The following RAP1GAP2 variants were observed in gnomAD, a reference collection of about 807,000 sequenced individuals.
RAP1GAP2 encodes the protein rap1 GTPase-activating protein 2.
A neutral mutation model predicts 95.0 loss-of-function variants in RAP1GAP2; 27 were observed. That is an observed-to-expected ratio of 0.28 (90% CI 0.21 to 0.39). The LOEUF is 0.39. Ranked by LOEUF, RAP1GAP2 falls within the 10% of genes least tolerant of loss-of-function variation. The pLI, the probability that RAP1GAP2 is intolerant of heterozygous loss-of-function variation, is 1.00. For synonymous variants in RAP1GAP2, 373 were observed against 380.9 expected, an observed-to-expected ratio of 0.98 and a Z score of 0.24; for missense variants, 771 against 970.0, an observed-to-expected ratio of 0.79 and a Z score of 2.72.
rs1267239240 is a variant in RAP1GAP2 at position 3,004,535 on chromosome 17, G to A, written c.1201-834G>A. Among the ~76,000 whole-genome samples, 1 of 152,246 alleles carries A rather than the reference G, an allele frequency of 6.6e-6. No homozygotes were observed. Among genetic ancestry groups the A allele is most frequent in the Non-Finnish European group, 1.5e-5 (1 of 68,044 alleles). On this transcript the variant is annotated intron_variant, in intron 14 of 24. Coordinates refer to ENST00000254695, the MANE Select transcript of RAP1GAP2 (RefSeq NM_015085.5). This position sits in a 1 kb window ranked among gnomAD's most constrained non-coding sequence, Gnocchi z 4.1. ...GTGGGCTGAGAATAGGTGAAGTCAG[G>A]GCACCTCTGTGCAGAGGGAAGGCGG... is the stretch of plus-strand genomic sequence containing the variant.
intron 3 of RAP1GAP2, among the ~76,000 whole-genome samples, chr17:2,908,262 G>A (rs2042265978): frequency 1.3e-5 from 2 of 152,172 alleles, no homozygotes; most frequent in Admixed American, 1.3e-4. Context: ...GGTGAAGCCG[G>A]AGTTAGTGTT....
At chr17:2,819,253 C>A (rs1403233253) in intron 2 of RAP1GAP2, among the ~76,000 whole-genome samples, 1 of 151,790 alleles carries the variant, frequency 6.6e-6, no homozygotes, top group Non-Finnish European at 1.5e-5. Context: ...ATCTCCTGAC[C>A]TCATCATCTG....
At chr17:3,010,154 A>G (rs1252008556) in intron 17 of RAP1GAP2, among the ~76,000 whole-genome samples, 1 of 152,088 alleles carries the variant, frequency 6.6e-6, no homozygotes. Flanking sequence ...ATCCTGGCCA[A>G]CATGGTGAAA....
intron 2 of RAP1GAP2, among the ~76,000 whole-genome samples, chr17:2,831,679 C>A (rs1249189006): frequency 1.3e-5 from 2 of 151,830 alleles, no homozygotes; most frequent in Non-Finnish European, 2.9e-5. Context: ...TTGCTTGAGC[C>A]CAGGAGTTTG....
intron 4 of RAP1GAP2, among the ~76,000 whole-genome samples, chr17:2,961,864 C>G (rs1334961165): frequency 6.6e-6 from 1 of 150,588 alleles, no homozygotes; most frequent in African/African-American, 2.4e-5. Flanking sequence ...TGTTTCCCTT[C>G]CCTTACTGGC....
chr17:2,940,368 C>T (rs969234285), intron 3 of RAP1GAP2, among the ~76,000 whole-genome samples: 1 of 152,218 alleles, frequency 6.6e-6, no homozygotes, highest in Non-Finnish European at 1.5e-5. Flanking sequence ...AGAGAACTCA[C>T]TTCTGTGTTC....
At position 2,965,184 on chromosome 17, in the gene RAP1GAP2, A is replaced by T; in HGVS notation, c.493-356A>T. On this transcript the variant is annotated intron_variant, in intron 7 of 24. Coordinates refer to ENST00000254695, the MANE Select transcript of RAP1GAP2 (RefSeq NM_015085.5). The surrounding 1 kb of genome is among the most constrained non-coding windows in gnomAD (Gnocchi z 4.7). ...GTTAAGAACTTGCCCTTCAGAGTCA[A>T]GACAGCTGTGCGTTTGAACCCTGGA... 1 of 250,170 alleles carries T rather than the reference A, an allele frequency of 4.0e-6. No individual in the cohort carries two copies. The highest frequency in any genetic ancestry group is 7.8e-6 in the Non-Finnish European group (1 of 127,414). The allele number at this position is 250,170 out of a possible 1,614,324, so 15.5% of individuals were successfully genotyped here.
chr17:2,868,307 GATA>G (rs1254521405), intron 2 of RAP1GAP2, among the ~76,000 whole-genome samples: 3 of 152,188 alleles, frequency 2.0e-5, no homozygotes, highest in African/African-American at 7.2e-5. Flanking sequence ...AGGTCTTAGA[GATA>G]GGCACCTCTA....
At chr17:2,805,205 G>C (rs73308043) in intron 2 of RAP1GAP2, among the ~76,000 whole-genome samples, 5 of 152,140 alleles carry the variant, frequency 3.3e-5, no homozygotes, top group Non-Finnish European at 5.9e-5. Context: ...CAGGCTCAGC[G>C]TGTGGGGATC....
intron 17 of RAP1GAP2, among the ~76,000 whole-genome samples, chr17:3,012,831 T>C (rs898338953): frequency 2.6e-5 from 4 of 152,156 alleles, no homozygotes; most frequent in African/African-American, 9.7e-5. Context: ...TGCTGATCTC[T>C]AGACCATTTT....
chr17:2,925,720 G>A (rs2042934458), intron 3 of RAP1GAP2, among the ~76,000 whole-genome samples: 2 of 152,314 alleles, frequency 1.3e-5, no homozygotes, highest in South Asian at 4.1e-4. Flanking sequence ...CTCAGAGTGA[G>A]TCCTTCAAAC....
intron 2 of RAP1GAP2, among the ~76,000 whole-genome samples, chr17:2,832,910 C>G (rs1186274514): frequency 6.6e-6 from 1 of 150,820 alleles, no homozygotes; most frequent in African/African-American, 2.4e-5. Flanking sequence ...ACTTGGGAGG[C>G]AGAGGTTGCA....
At chr17:2,800,767 G>T (rs2069253880) in intron 2 of RAP1GAP2, among the ~76,000 whole-genome samples, 1 of 152,062 alleles carries the variant, frequency 6.6e-6, no homozygotes, top group African/African-American at 2.4e-5. Context: ...ATCACCAGGG[G>T]CTAGAATGGT....
intron 3 of RAP1GAP2, among the ~76,000 whole-genome samples, chr17:2,910,748 C>T (rs1339393819): frequency 3.3e-5 from 5 of 152,138 alleles, no homozygotes; most frequent in African/African-American, 7.2e-5. Context: ...TTTTTTGAGA[C>T]GGAGTCTCAC....
At chr17:2,914,031 C>T (rs562074812) in intron 3 of RAP1GAP2, among the ~76,000 whole-genome samples, 9 of 152,184 alleles carry the variant, frequency 5.9e-5, no homozygotes, top group East Asian at 5.8e-4. Flanking sequence ...CTACCACTCC[C>T]GGCTAAGTTT....
intron 2 of RAP1GAP2, among the ~76,000 whole-genome samples, chr17:2,852,596 AAACAAAAAACAAAACAAC>A (rs1431977231): frequency 3.3e-5 from 5 of 151,762 alleles, no homozygotes; most frequent in East Asian, 1.9e-4. Flanking sequence ...ATTAAAAACA[AAACAAAAAACAAAACAAC>A]AACAAAAAAC....
intron 2 of RAP1GAP2, among the ~76,000 whole-genome samples, chr17:2,856,826 C>T (rs1027520697): frequency 3.9e-5 from 6 of 152,232 alleles, no homozygotes; most frequent in South Asian, 2.1e-4. Flanking sequence ...GTTCTTCTGT[C>T]GCTCCAACCA....
At chr17:2,988,287 G>A (rs776862712) in intron 11 of RAP1GAP2, among the ~76,000 whole-genome samples, 13 of 151,784 alleles carry the variant, frequency 8.6e-5, no homozygotes, top group Non-Finnish European at 1.3e-4. Context: ...ATAATACAGC[G>A]AGATCTCATG....
At chr17:2,772,879 A>G (rs1317689284), upstream of RAP1GAP2, among the ~76,000 whole-genome samples, 2 of 68,138 alleles carry the variant, frequency 2.9e-5, no homozygotes, top group Admixed American at 1.7e-4. Context: ...TTTTTTTGAG[A>G]CGGAGTTTTG....
Sources: allele counts gnomAD v4.1 joint callset (sites outside exome capture counted in the v4.1 genomes callset), GRCh38; gene constraint gnomAD v4.1.1; non-coding constraint Gnocchi (gnomAD v3.1); transcripts MANE v1.5; gene names NCBI Gene and HGNC (gene_info 2026-07-23, HGNC 2026-07-21).